The following GALNTL6 variants were observed in gnomAD, a reference collection of about 807,000 sequenced individuals.
The protein encoded by GALNTL6 is polypeptide N-acetylgalactosaminyltransferase-like 6.
In GALNTL6, 46 loss-of-function variants were observed where a neutral mutation model predicts 73.7. The observed-to-expected ratio is 0.62, with a 90% CI of 0.49 to 0.80. GALNTL6 has a LOEUF of 0.80. Ranked by LOEUF, GALNTL6 falls within the 30% of genes least tolerant of loss-of-function variation. The probability of loss-of-function intolerance (pLI) is 0.00; values close to 1 mark genes in which losing one functional copy is unlikely to be tolerated. For synonymous variants in GALNTL6, 259 were observed against 263.7 expected, an observed-to-expected ratio of 0.98 and a Z score of 0.17; for missense variants, 604 against 755.0, an observed-to-expected ratio of 0.80 and a Z score of 2.34.
chr4:172,281,408 C>G (rs1049939922), intron 3 of GALNTL6, among the ~76,000 whole-genome samples: 2 of 151,890 alleles, frequency 1.3e-5, no homozygotes, highest in African/African-American at 2.4e-5. Flanking sequence ...TATAAAAGAC[C>G]CTGTTGACCA....
intron 2 of GALNTL6, among the ~76,000 whole-genome samples, chr4:171,990,299 A>AAAT (rs1216935136): frequency 6.6e-6 from 1 of 152,194 alleles, no homozygotes; most frequent in Non-Finnish European, 1.5e-5. Context: ...CATATTTATT[A>AAAT]ATTCACTTAT....
chr4:171,836,737 G>A (rs1235952954), intron 2 of GALNTL6, among the ~76,000 whole-genome samples: 1 of 152,070 alleles, frequency 6.6e-6, no homozygotes, highest in Non-Finnish European at 1.5e-5. Context: ...CCTTGGAGAG[G>A]GGAAGTTGGC....
chr4:172,134,681 A>G (rs188695906), intron 2 of GALNTL6, among the ~76,000 whole-genome samples: 7 of 152,342 alleles, frequency 4.6e-5, no homozygotes, highest in Non-Finnish European at 7.4e-5. Context: ...TTAGTCAGAT[A>G]TTCATCAACT....
chr4:172,387,940 C>T (rs1380865564), intron 5 of GALNTL6, among the ~76,000 whole-genome samples: 1 of 151,970 alleles, frequency 6.6e-6, no homozygotes, highest in African/African-American at 2.4e-5. Context: ...TATTACTTTC[C>T]TCTCAAATAC....
intron 5 of GALNTL6, among the ~76,000 whole-genome samples, chr4:172,658,617 C>T (rs1476615823): frequency 2.0e-5 from 3 of 151,976 alleles, no homozygotes; most frequent in African/African-American, 2.4e-5. Flanking sequence ...CAAGAATCCC[C>T]GATGATATTA....
chr4:172,751,960 A>G (rs1737447546), intron 5 of GALNTL6, among the ~76,000 whole-genome samples: 2 of 152,124 alleles, frequency 1.3e-5, no homozygotes, highest in Non-Finnish European at 2.9e-5. Context: ...TCAAGGTGGA[A>G]AACCAGCATT....
At chr4:171,911,347 T>G (rs1376027910) in intron 2 of GALNTL6, among the ~76,000 whole-genome samples, 1 of 152,036 alleles carries the variant, frequency 6.6e-6, no homozygotes, top group African/African-American at 2.4e-5. Context: ...TTTGTAGAAA[T>G]GAGATTTCAA....
Position 173,009,196 on chromosome 4 carries a change from A to G in GALNTL6, c.1390A>G (p.Asn464Asp), listed in dbSNP as rs1752431282. Reference sequence around the variant, plus strand: ...TCCACAGATCCGAAATGTGGCAGCAAATCTCTGTGTGGACAGCAAGCATGG... The same window carrying G: ...TCCACAGATCCGAAATGTGGCAGCAGATCTCTGTGTGGACAGCAAGCATGG... ...AWGEIRNVAA[N>D]LCVDSKHGAT... The change falls in exon 11 of 13, where the codon AAT (asparagine) becomes GAT (aspartate). Residue 464 changes from asparagine (N) to aspartate (D), a missense_variant. Physicochemically the swap from Asn to Asp is conservative, Grantham distance 23 (BLOSUM62 1). This residue lies in a region of GALNTL6 where 261 missense variants were observed against 296.5 expected (regional missense o/e 0.88). Coordinates refer to ENST00000506823, the MANE Select transcript of GALNTL6 (RefSeq NM_001034845.3). 1 of 1,613,640 alleles carries G rather than the reference A, an allele frequency of 6.2e-7. No individual in the cohort carries two copies. The highest frequency in any genetic ancestry group is 1.3e-5 in the African/African-American group (1 of 74,926).
intron 5 of GALNTL6, among the ~76,000 whole-genome samples, chr4:172,411,982 A>G (rs12510279): frequency 0.8 from 121,838 of 151,750 alleles, 49,928 homozygotes; most frequent in Non-Finnish European, 0.88. Context: ...GAAAGAAAAA[A>G]TAAAACAAGG....
At chr4:172,684,818 G>C (rs115635272) in intron 5 of GALNTL6, among the ~76,000 whole-genome samples, 1 of 151,990 alleles carries the variant, frequency 6.6e-6, no homozygotes, top group South Asian at 2.1e-4. Flanking sequence ...GCCTTTGCTC[G>C]TGCTGCCTTC....
At chr4:172,932,785 G>A (rs1036361456) in intron 9 of GALNTL6, among the ~76,000 whole-genome samples, 14 of 152,120 alleles carry the variant, frequency 9.2e-5, no homozygotes, top group African/African-American at 2.2e-4. Context: ...CCAAATTTGC[G>A]TTAGTACTTA....
At chr4:172,610,638 C>T (rs1362456665) in intron 5 of GALNTL6, among the ~76,000 whole-genome samples, 1 of 151,774 alleles carries the variant, frequency 6.6e-6, no homozygotes, top group Non-Finnish European at 1.5e-5. Context: ...TATGTATATG[C>T]AGGTGATTAG....
At chr4:172,778,453 C>A (rs964229301) in intron 5 of GALNTL6, among the ~76,000 whole-genome samples, 1 of 152,142 alleles carries the variant, frequency 6.6e-6, no homozygotes, top group Non-Finnish European at 1.5e-5. Flanking sequence ...TACATAACAG[C>A]TAAATTGGTG....
chr4:172,340,509 A>C (rs2111199835), intron 4 of GALNTL6, among the ~76,000 whole-genome samples: 1 of 152,264 alleles, frequency 6.6e-6, no homozygotes, highest in East Asian at 1.9e-4. Flanking sequence ...GGCCTCATAA[A>C]ATGAGTTTTG....
chr4:173,014,191 A>C (rs956380671), intron 11 of GALNTL6, among the ~76,000 whole-genome samples: 6 of 152,248 alleles, frequency 3.9e-5, no homozygotes, highest in Non-Finnish European at 8.8e-5. Context: ...CTGTGAAGGA[A>C]GCAAATGTAT....
intron 4 of GALNTL6, among the ~76,000 whole-genome samples, chr4:172,342,709 G>A (rs1382411116): frequency 1.3e-5 from 2 of 152,126 alleles, no homozygotes; most frequent in Non-Finnish European, 2.9e-5. Context: ...CAAGTAAAAT[G>A]TTCTTTTCTT....
intron 2 of GALNTL6, among the ~76,000 whole-genome samples, chr4:171,935,367 G>C (rs1392987697): frequency 6.6e-6 from 1 of 152,138 alleles, no homozygotes; most frequent in African/African-American, 2.4e-5. Context: ...CCAGAGGATA[G>C]CACCCAACAG....
intron 2 of GALNTL6, among the ~76,000 whole-genome samples, chr4:172,159,646 A>G (rs1560947153): frequency 6.6e-6 from 1 of 152,194 alleles, no homozygotes; most frequent in Non-Finnish European, 1.5e-5. Flanking sequence ...TGCCTGGAGC[A>G]TAATGAACAA....
At chr4:172,028,348 G>A (rs1424912786) in intron 2 of GALNTL6, among the ~76,000 whole-genome samples, 1 of 151,844 alleles carries the variant, frequency 6.6e-6, no homozygotes, top group Non-Finnish European at 1.5e-5. Flanking sequence ...AACATCTTCA[G>A]CAAATATGGA....
Sources: allele counts gnomAD v4.1 joint callset (sites outside exome capture counted in the v4.1 genomes callset), GRCh38; gene constraint gnomAD v4.1.1; regional missense constraint gnomAD v4.1.1; transcripts MANE v1.5; gene names NCBI Gene and HGNC (gene_info 2026-07-23, HGNC 2026-07-21).